The following LDLRAD4 variants were observed in gnomAD, a reference collection of about 807,000 sequenced individuals.
LDLRAD4 encodes the protein low-density lipoprotein receptor class A domain-containing protein 4.
In LDLRAD4, 5 loss-of-function variants were observed where a neutral mutation model predicts 17.0. The observed-to-expected ratio is 0.29, with a 90% CI of 0.15 to 0.62. LDLRAD4 has a LOEUF of 0.62. LDLRAD4 is among the 20% of genes least tolerant of loss of function. LDLRAD4 has a pLI of 0.84. For synonymous variants in LDLRAD4, 168 were observed against 171.8 expected, an observed-to-expected ratio of 0.98 and a Z score of 0.17; for missense variants, 340 against 424.7, an observed-to-expected ratio of 0.80 and a Z score of 1.75.
intron 3 of LDLRAD4, among the ~76,000 whole-genome samples, chr18:13,494,670 A>ATATATTATAT (rs376547861): frequency 5.7e-4 from 12 of 21,066 alleles, no homozygotes; most frequent in African/African-American, 1.6e-3. Flanking sequence ...AGACATATTT[A>ATATATTATAT]ATAATATAAT....
intron 2 of LDLRAD4, among the ~76,000 whole-genome samples, chr18:13,399,016 A>T (rs538781050): frequency 6.6e-6 from 1 of 152,154 alleles, no homozygotes; most frequent in African/African-American, 2.4e-5. Context: ...AGGTAGGAGG[A>T]TTGCTTGAGC....
chr18:13,243,052 T>A (rs977809899), intron 1 of LDLRAD4, among the ~76,000 whole-genome samples: 1 of 152,244 alleles, frequency 6.6e-6, no homozygotes, highest in Admixed American at 6.5e-5. Context: ...AGCAGCTGAG[T>A]GTCTTGGGGC....
chr18:13,374,590 C>G (rs1340125087), intron 1 of LDLRAD4, among the ~76,000 whole-genome samples: 1 of 152,216 alleles, frequency 6.6e-6, no homozygotes, highest in Non-Finnish European at 1.5e-5. Flanking sequence ...CTTCGCTTTC[C>G]CAGAACAGCC....
At chr18:13,285,765 G>A (rs746224379) in intron 1 of LDLRAD4, among the ~76,000 whole-genome samples, 2 of 152,098 alleles carry the variant, frequency 1.3e-5, no homozygotes, top group East Asian at 3.9e-4. Flanking sequence ...CTGCACCCTT[G>A]TTAGAGAATG....
At chr18:13,362,936 G>GA (rs2083774611) in intron 1 of LDLRAD4, among the ~76,000 whole-genome samples, 1 of 151,966 alleles carries the variant, frequency 6.6e-6, no homozygotes, top group African/African-American at 2.4e-5. Flanking sequence ...CACCTTTGGG[G>GA]AAAAATGGAA....
chr18:13,418,568 C>T (rs1246006390), intron 2 of LDLRAD4, among the ~76,000 whole-genome samples: 1 of 152,166 alleles, frequency 6.6e-6, no homozygotes, highest in Non-Finnish European at 1.5e-5. Flanking sequence ...GTAGACAGCC[C>T]TTGGGTTTTA....
At position 13,440,666 on chromosome 18, in the gene LDLRAD4, C is replaced by T. The variant is rs1330211472; in HGVS notation, c.181+2282C>T. 6.6e-6 allele frequency among the ~76,000 whole-genome samples: 1 copy of T among 152,140 alleles called. No homozygotes were observed. Among genetic ancestry groups the T allele is most frequent in the East Asian group, 1.9e-4 (1 of 5,200 alleles). On this transcript the variant is annotated intron_variant, in intron 3 of 5. Coordinates refer to ENST00000359446, the Ensembl canonical transcript of LDLRAD4. This position sits in a 1 kb window ranked among gnomAD's most constrained non-coding sequence, Gnocchi z 4.4. ...CAGCTCCTTTCAGCTTGGTTTCTCTCCCTGTGGAACAGGCACACTTCCTGC... is the reference window on the plus strand; with the variant it reads ...CAGCTCCTTTCAGCTTGGTTTCTCTTCCTGTGGAACAGGCACACTTCCTGC...
chr18:13,514,149 A>G (rs2093826615), intron 3 of LDLRAD4, among the ~76,000 whole-genome samples: 2 of 152,358 alleles, frequency 1.3e-5, no homozygotes, highest in South Asian at 4.1e-4. Flanking sequence ...CTCATTCCAT[A>G]ATAGGGGCCC....
chr18:13,636,028 G>T (rs79221490), intron 4 of LDLRAD4, among the ~76,000 whole-genome samples: 7 of 151,928 alleles, frequency 4.6e-5, no homozygotes, highest in Non-Finnish European at 8.8e-5. Flanking sequence ...TGCCTTTGGC[G>T]TGTTTACTGC....
intron 2 of LDLRAD4, among the ~76,000 whole-genome samples, chr18:13,415,739 G>A (rs138810188): frequency 8.5e-5 from 13 of 152,326 alleles, no homozygotes; most frequent in African/African-American, 2.4e-4. Context: ...CTGGATTCCA[G>A]TTCTCCAAGG....
chr18:13,530,167 G>A lies in LDLRAD4; in HGVS notation c.182-90950G>A, dbSNP rs1313222613. 2.0e-5 allele frequency among the ~76,000 whole-genome samples: 3 copies of A among 152,180 alleles called. No individual in the cohort carries two copies. The East Asian group carries it at 5.8e-4, about 29-fold the overall frequency. On this transcript the variant is annotated intron_variant, in intron 3 of 5. Coordinates refer to ENST00000359446, the Ensembl canonical transcript of LDLRAD4. The stretch of plus-strand genomic sequence containing the variant: ...TGTGTCTCCAGACTCCTTGATGGAT[G>A]ATTTGTGGAGTCACCGACCTGCTGC...
At chr18:13,322,801 T>C (rs2081327251) in intron 1 of LDLRAD4, among the ~76,000 whole-genome samples, 1 of 150,942 alleles carries the variant, frequency 6.6e-6, no homozygotes, top group Non-Finnish European at 1.5e-5. Context: ...TTTTTTTTTT[T>C]TTTGATGGAG....
intron 3 of LDLRAD4, among the ~76,000 whole-genome samples, chr18:13,485,541 G>A (rs1283142457): frequency 1.3e-5 from 2 of 152,234 alleles, no homozygotes; most frequent in African/African-American, 2.4e-5. Context: ...GCTTGTGGCT[G>A]CTGCCCCTGC....
At chr18:13,528,988 G>T (rs1168369147) in intron 3 of LDLRAD4, among the ~76,000 whole-genome samples, 1 of 152,240 alleles carries the variant, frequency 6.6e-6, no homozygotes, top group Admixed American at 6.5e-5. Context: ...CGTGGTTCTA[G>T]CTTCCCAATG....
At chr18:13,464,741 C>G (rs868278697) in intron 3 of LDLRAD4, among the ~76,000 whole-genome samples, 39 of 143,170 alleles carry the variant, frequency 2.7e-4, no homozygotes, top group Middle Eastern at 7.3e-3. Context: ...TTTTTCACAT[C>G]GCTGTAGATG....
chr18:13,339,531 A>G (rs1290740491), intron 1 of LDLRAD4, among the ~76,000 whole-genome samples: 4 of 152,180 alleles, frequency 2.6e-5, no homozygotes, highest in African/African-American at 4.8e-5. Context: ...TGTCCTTTTC[A>G]TATGTAAAGA....
chr18:13,226,869 C>A (rs2041837909), intron 1 of LDLRAD4, among the ~76,000 whole-genome samples: 1 of 152,172 alleles, frequency 6.6e-6, no homozygotes, highest in African/African-American at 2.4e-5. Context: ...CTTCCCCCAG[C>A]CTCCTCATCC....
intron 3 of LDLRAD4, among the ~76,000 whole-genome samples, chr18:13,527,905 A>C (rs562628703): frequency 6.6e-6 from 1 of 152,164 alleles, no homozygotes; most frequent in South Asian, 2.1e-4. Flanking sequence ...CGCCATGGAC[A>C]CCCATTCTCA....
chr18:13,275,507 A>G (rs1215733425), upstream of LDLRAD4, among the ~76,000 whole-genome samples: 1 of 152,216 alleles, frequency 6.6e-6, no homozygotes, highest in Non-Finnish European at 1.5e-5. Flanking sequence ...GTGACTAGAC[A>G]TTGGCAAATC....
Sources: allele counts gnomAD v4.1 joint callset (sites outside exome capture counted in the v4.1 genomes callset), GRCh38; gene constraint gnomAD v4.1.1; non-coding constraint Gnocchi (gnomAD v3.1); transcripts MANE v1.5; gene names NCBI Gene and HGNC (gene_info 2026-07-23, HGNC 2026-07-21).